The following SCNN1B variants were observed in gnomAD, a reference collection of about 807,000 sequenced individuals.
The protein encoded by SCNN1B is epithelial sodium channel subunit beta.
In SCNN1B, 46 loss-of-function variants were observed where a neutral mutation model predicts 65.3. The observed-to-expected ratio is 0.70, with a 90% CI of 0.56 to 0.90. The LOEUF (loss-of-function observed/expected upper bound fraction) is 0.90, where lower values mean the gene tolerates loss of function less well. Among genes scored for constraint, SCNN1B ranks in the 40% least tolerant of loss-of-function variants. SCNN1B has a pLI of 0.00. For missense variants in SCNN1B, 751 were observed against 830.5 expected (o/e 0.90, Z 1.18); for synonymous variants, 349 against 330.6 (o/e 1.06, Z -0.60).
At chr16:23,319,482 A>C (rs1961542750) in intron 1 of SCNN1B, among the ~76,000 whole-genome samples, 1 of 152,218 alleles carries the variant, frequency 6.6e-6, no homozygotes, top group Admixed American at 6.5e-5. Context: ...GGTTGAAAAA[A>C]AAAAATCACA....
chr16:23,331,000 C>T lies in SCNN1B; in HGVS notation c.-8-17592C>T, dbSNP rs1596842092. 2.0e-5 allele frequency among the ~76,000 whole-genome samples: 3 copies of T among 152,198 alleles called. No homozygotes were observed. The South Asian group carries it at 6.2e-4, about 32-fold the overall frequency. On this transcript the variant is annotated intron_variant, in intron 1 of 12. Coordinates refer to ENST00000343070, the MANE Select transcript of SCNN1B (RefSeq NM_000336.3). ...CATGCTCCCTGAAAGGTGTGGCCAG[C>T]GTTCTTTATCACCAGCCAGCAGCTT...
intron 7 of SCNN1B, among the ~76,000 whole-genome samples, chr16:23,373,708 C>T (rs543880839): frequency 2.0e-4 from 30 of 152,302 alleles, no homozygotes; most frequent in Non-Finnish European, 2.9e-5. Flanking sequence ...GCCCTTTCCC[C>T]GTAGGAAATG....
At chr16:23,302,288 A>C (rs2141976642), upstream of SCNN1B, 1 of 152,878 alleles carries the variant, frequency 6.5e-6, no homozygotes, top group East Asian at 1.9e-4. Flanking sequence ...CCGCCCCTGA[A>C]CCTGCTCCCT....
chr16:23,291,782 T>C (rs1162369965), intron 2 of SCNN1B, among the ~76,000 whole-genome samples: 2 of 150,882 alleles, frequency 1.3e-5, no homozygotes, highest in African/African-American at 4.9e-5. Flanking sequence ...GGTTTCACCA[T>C]GTTGCCCAGG....
At position 23,309,774 on chromosome 16, in the gene SCNN1B, C is replaced by T. The variant is rs568663088; in HGVS notation, c.-9+7337C>T. 3.9e-5 allele frequency among the ~76,000 whole-genome samples: 6 copies of T among 152,328 alleles called. No individual in the cohort carries two copies. The South Asian group carries it at 1.2e-3, about 32-fold the overall frequency. On this transcript the variant is annotated intron_variant, in intron 1 of 12. Coordinates refer to ENST00000343070, the MANE Select transcript of SCNN1B (RefSeq NM_000336.3). ...TTAATCTCCTTTGGCAACACCCTCA[C>T]AGACACACCCGGGATCGATACTTTG...
At chr16:23,295,983 G>A (rs76894263) in intron 2 of SCNN1B, among the ~76,000 whole-genome samples, 3,164 of 152,302 alleles carry the variant, frequency 0.021, 52 homozygotes, top group Non-Finnish European at 0.032. Context: ...AGTCCTGAGC[G>A]TCAGGCTGGC....
chr16:23,343,622 A>AGAAAGAAAGAAC (rs1962118698), intron 1 of SCNN1B, among the ~76,000 whole-genome samples: 2 of 133,844 alleles, frequency 1.5e-5, no homozygotes, highest in Non-Finnish European at 3.2e-5. Context: ...AAAGAAAGAA[A>AGAAAGAAAGAAC]GAAAGAAAGA....
chr16:23,371,903 C>T lies in SCNN1B; in HGVS notation c.1152+20C>T. 1 of 1,576,520 alleles carries T rather than the reference C, an allele frequency of 6.3e-7. No homozygotes were observed. The highest frequency in any genetic ancestry group is 8.7e-7 in the Non-Finnish European group (1 of 1,145,650). On this transcript the variant is annotated intron_variant, in intron 7 of 12. Transcript: ENST00000343070. The stretch of plus-strand genomic sequence containing the variant: ...ATCCAGGTGGGAAGGTGGTGCACGC[C>T]TCATGCCCCGGGGCCCCTGTCCGGG...
intron 4 of SCNN1B, among the ~76,000 whole-genome samples, chr16:23,361,398 A>G (rs1962551073): frequency 6.6e-6 from 1 of 152,208 alleles, no homozygotes; most frequent in Non-Finnish European, 1.5e-5. Flanking sequence ...CACTAAATTC[A>G]GACTACGCTC....
At chr16:23,286,270 C>G (rs1004857474) in intron 2 of SCNN1B, among the ~76,000 whole-genome samples, 7 of 152,180 alleles carry the variant, frequency 4.6e-5, no homozygotes, top group Non-Finnish European at 8.8e-5. Flanking sequence ...ATGATTGACT[C>G]AGACAATGAT....
rs1358992883 is a variant in SCNN1B, at chr16:23,321,501, G to A, written c.-9+19064G>A. Among the ~76,000 whole-genome samples, 5 of 152,298 alleles carry A rather than the reference G, an allele frequency of 3.3e-5. No individual in the cohort carries two copies. In the East Asian group the frequency reaches 9.7e-4, roughly 29 times the overall value. Reference sequence around the variant, plus strand: ...CCCATAGGACAAGACAGCACACAGAGCCTGGACCCTGGGAAAGGCAGGGGT... The same window carrying A: ...CCCATAGGACAAGACAGCACACAGAACCTGGACCCTGGGAAAGGCAGGGGT... On this transcript the variant is annotated intron_variant, in intron 1 of 12. Transcript: ENST00000343070.
At chr16:23,292,940 C>T (rs1206458664) in intron 2 of SCNN1B, among the ~76,000 whole-genome samples, 1 of 151,084 alleles carries the variant, frequency 6.6e-6, no homozygotes, top group Non-Finnish European at 1.5e-5. Context: ...CACGGTGAAA[C>T]CCCGTCTCTA....
Position 23,378,801 on chromosome 16 carries a change from A to G in SCNN1B, c.1466+34A>G, listed in dbSNP as rs762108690. 3.7e-6 allele frequency: 6 copies of G among 1,604,872 alleles called. No homozygotes were observed. In the African/African-American group the frequency reaches 4.0e-5, roughly 11 times the overall value. ...GAGCCTGGGCGGGGCTGGGGAAGAC[A>G]GGGAAGGGGTCCAGAAACTCGGGGC... On this transcript the variant is annotated intron_variant, in intron 11 of 12. Coordinates refer to ENST00000343070, the MANE Select transcript of SCNN1B (RefSeq NM_000336.3).
rs1191618996 is a variant in SCNN1B, at chr16:23,293,114, CAAAAAAAAAAAAAAAAA to C, written n.178+9322_178+9338del. On this transcript the variant is annotated intron_variant and non_coding_transcript_variant, in intron 2 of 3. Coordinates refer to the SCNN1B transcript ENST00000569789. ...TGGGCAATACAGGGAGACTCATTCTCAAAAAAAAAAAAAAAAAAAAAAAAAAAAGTGAGACTTACAAT... is the reference window on the plus strand; with the variant it reads ...TGGGCAATACAGGGAGACTCATTCTCAAAAAAAAAAAGTGAGACTTACAAT... Among the ~76,000 whole-genome samples, 61 of 34,180 alleles carry C rather than the reference CAAAAAAAAAAAAAAAAA, an allele frequency of 1.8e-3. 2 individuals carry two copies. Among genetic ancestry groups the C allele is most frequent in the Admixed American group, 3.4e-3 (7 of 2,086 alleles). The allele number at this position is 34,180 out of a possible 152,430, so 22.4% of individuals were successfully genotyped here. A position where few individuals can be genotyped will look rare whatever the true frequency, so the allele number is the denominator to read the frequency against.
At chr16:23,313,875 A>G (rs1006483937) in intron 1 of SCNN1B, among the ~76,000 whole-genome samples, 4 of 152,096 alleles carry the variant, frequency 2.6e-5, no homozygotes, top group East Asian at 3.9e-4. Flanking sequence ...CTCCCAAAGT[A>G]CTGGGATTAC....
At chr16:23,372,014 A>T in intron 7 of SCNN1B, 131 bp downstream of exon 7, 1 of 738,232 alleles carries the variant, frequency 1.4e-6, no homozygotes, top group Non-Finnish European at 2.4e-6. Context: ...GCCACGGGGC[A>T]CCCCGGGCCT....
At chr16:23,328,348 G>C (rs1262334969) in intron 1 of SCNN1B, among the ~76,000 whole-genome samples, 1 of 152,176 alleles carries the variant, frequency 6.6e-6, no homozygotes, top group African/African-American at 2.4e-5. Context: ...AAAAACAAGA[G>C]TGAGTCAACT....
At chr16:23,311,086 T>G (rs1477206944) in intron 1 of SCNN1B, among the ~76,000 whole-genome samples, 1 of 152,246 alleles carries the variant, frequency 6.6e-6, no homozygotes, top group Non-Finnish European at 1.5e-5. Context: ...ATGTCAATGC[T>G]GAAGATGCAC....
chr16:23,378,938 G>A (rs535407944), intron 11 of SCNN1B, among the ~76,000 whole-genome samples, 171 bp downstream of exon 11: 1 of 152,004 alleles, frequency 6.6e-6, no homozygotes, highest in Non-Finnish European at 1.5e-5. Flanking sequence ...GCAGCCAAGG[G>A]GACTCTGAGT....
Sources: gnomAD v4.1 joint callset for allele counts (sites outside exome capture counted in the v4.1 genomes callset) on GRCh38, gnomAD v4.1.1 for gene constraint, MANE v1.5 for transcripts, NCBI Gene and HGNC (gene_info 2026-07-23, HGNC 2026-07-21) for gene names.